The following CCDC82 variants were observed in gnomAD, a reference collection of about 807,000 sequenced individuals.
The protein encoded by CCDC82 is coiled-coil domain-containing protein 82.
A neutral mutation model predicts 60.6 loss-of-function variants in CCDC82; 47 were observed. The observed-to-expected ratio is 0.77, with a 90% CI of 0.61 to 0.99. CCDC82 has a LOEUF of 0.99. Among genes scored for constraint, CCDC82 ranks in the 50% least tolerant of loss-of-function variants. The pLI is 0.00. For missense variants in CCDC82, 588 were observed against 633.0 expected, an observed-to-expected ratio of 0.93 and a Z score of 0.76; for synonymous variants, 212 against 207.4, an observed-to-expected ratio of 1.02 and a Z score of -0.19.
rs1356575987 is a variant in CCDC82 at position 96,353,504 on chromosome 11, T to C, written c.*142A>G. 1 of 660,778 alleles carries C rather than the reference T, an allele frequency of 1.5e-6. No homozygotes were observed. The highest frequency in any genetic ancestry group is 1.8e-5 in the African/African-American group (1 of 54,618). 40.9% of individuals were successfully genotyped at this position (660,778 alleles called of 1,614,324 possible). A position where few individuals can be genotyped will look rare whatever the true frequency, so the allele number is the denominator to read the frequency against. ...AGTGTAGAGTGCCACTTCACAGGAA[T>C]TAAGATAATCATGTTTTAAACAAAA... On this transcript the variant is annotated 3_prime_UTR_variant, in exon 10 of 10. Transcript: ENST00000646818.
chr11:96,364,319 CCTT>C (rs1313253556), intron 8 of CCDC82: 1 of 151,984 alleles, frequency 6.6e-6, no homozygotes, highest in Non-Finnish European at 1.5e-5. Flanking sequence ...CCCATAAAAA[CCTT>C]CTAAGTCATT....
At chr11:96,360,352 G>A (rs7932704) in intron 8 of CCDC82, among the ~76,000 whole-genome samples, 3 of 150,120 alleles carry the variant, frequency 2.0e-5, no homozygotes, top group South Asian at 2.1e-4. Context: ...GTCACCACAC[G>A]CAGCTAATTT....
At chr11:96,382,436 A>T (rs1865924808) in intron 5 of CCDC82, 1 of 151,794 alleles carries the variant, frequency 6.6e-6, no homozygotes. Context: ...ATTGGTGGTG[A>T]TATTAATGAA....
At position 96,353,598 on chromosome 11, in the gene CCDC82, A is replaced by T; in HGVS notation, c.*48T>A. The T allele has an allele frequency of 7.7e-7, 1 of 1,293,270 alleles. No homozygotes were observed. The highest frequency in any genetic ancestry group is 1.2e-5 in the South Asian group (1 of 84,052). 80.1% of individuals were successfully genotyped at this position (1,293,270 alleles called of 1,614,324 possible). The stretch of plus-strand genomic sequence containing the variant: ...ATGATACAGAAAAACAAGAATCATG[A>T]TCTTCACATTTACAGGAATTTAAAA... On this transcript the variant is annotated 3_prime_UTR_variant, in exon 10 of 10. Transcript: ENST00000646818.
chr11:96,376,075 A>G (rs747334586), intron 5 of CCDC82, among the ~76,000 whole-genome samples: 13 of 152,216 alleles, frequency 8.5e-5, no homozygotes, highest in Non-Finnish European at 1.9e-4. Flanking sequence ...ATTAAAGAGG[A>G]AACTATATTT....
chr11:96,383,490 A>G lies in CCDC82; in HGVS notation c.787-17T>C, dbSNP rs760103080. ...TTCAGAGTCCTAATTAAATTAAAAT[A>G]AATGCTTCAGTAAATGGTGCTATTA... On this transcript the variant is annotated splice_polypyrimidine_tract_variant and intron_variant, in intron 4 of 9. Transcript: ENST00000646818. 57 of 1,520,978 alleles carry G rather than the reference A, an allele frequency of 3.7e-5. No individual in the cohort carries two copies. In the South Asian group the frequency reaches 6.5e-4, roughly 17 times the overall value. 94.2% of individuals were successfully genotyped at this position (1,520,978 alleles called of 1,614,324 possible). A position where few individuals can be genotyped will look rare whatever the true frequency, so the allele number is the denominator to read the frequency against.
intron 6 of CCDC82, among the ~76,000 whole-genome samples, chr11:96,372,078 C>T (rs1431563651): frequency 6.6e-6 from 1 of 152,076 alleles, no homozygotes; most frequent in Non-Finnish European, 1.5e-5. Flanking sequence ...CTCTCTTTTC[C>T]CTCTCTCCTG....
At chr11:96,382,369 T>C (rs540724937) in intron 5 of CCDC82, 1 of 151,910 alleles carries the variant, frequency 6.6e-6, no homozygotes, top group Admixed American at 6.6e-5. Context: ...TTGAAAAACT[T>C]GTATGTGCTA....
At chr11:96,389,527 CACCGAGAAA>C (rs1204858761) in intron 1 of CCDC82, 3 of 152,306 alleles carry the variant, frequency 2.0e-5, no homozygotes, top group Non-Finnish European at 4.4e-5. Context: ...AAGAGCTCTG[CACCGAGAAA>C]ACAATTACAA....
chr11:96,358,583 C>T, intron 9 of CCDC82: 1 of 1,235,040 alleles, frequency 8.1e-7, no homozygotes, highest in East Asian at 3.1e-5. Context: ...CAGACTGGCA[C>T]CAGGTGCTTC....
chr11:96,358,063 TTC>T lies in CCDC82; in HGVS notation c.1566+928_1566+929del, dbSNP rs766191706. On this transcript the variant is annotated intron_variant, in intron 9 of 9. Coordinates refer to ENST00000646818, the MANE Select transcript of CCDC82 (RefSeq NM_024725.4). ...TAAATATGACATGTGCTAAAAAAGT[TTC>T]TGTTTTGTTTTCTTTCCATCTGCCT... 529 of 985,406 alleles carry T rather than the reference TTC, an allele frequency of 5.4e-4. 2 individuals are homozygous for T. The African/African-American group carries it at 7.5e-3, about 14-fold the overall frequency. The allele number at this position is 985,406 out of a possible 1,614,324, so 61.0% of individuals were successfully genotyped here. A position where few individuals can be genotyped will look rare whatever the true frequency, so the allele number is the denominator to read the frequency against.
At chr11:96,382,375 T>C (rs1865919374) in intron 5 of CCDC82, 1 of 151,848 alleles carries the variant, frequency 6.6e-6, no homozygotes, top group Admixed American at 6.6e-5. Context: ...AACTTGTATG[T>C]GCTATTCTGA....
intron 3 of CCDC82, chr11:96,385,133 G>A (rs1315931166): frequency 6.2e-6 from 1 of 160,212 alleles, no homozygotes; most frequent in Non-Finnish European, 1.4e-5. Context: ...ATAACTGCAA[G>A]AGAAGTGGAA....
chr11:96,355,065 A>C (rs1004130116), intron 9 of CCDC82: 1 of 152,214 alleles, frequency 6.6e-6, no homozygotes, highest in African/African-American at 2.4e-5. Flanking sequence ...ACTACTTAGG[A>C]ATTTTCTTTG....
In CCDC82 at chr11:96,380,030, A is replaced by G. The variant is rs560966744; in HGVS notation, c.991+3239T>C. 7.9e-5 allele frequency among the ~76,000 whole-genome samples: 12 copies of G among 151,956 alleles called. No individual in the cohort carries two copies. In the South Asian group the frequency reaches 2.5e-3, roughly 31 times the overall value. On this transcript the variant is annotated intron_variant, in intron 5 of 9. Transcript: ENST00000646818. ...AAAAGTAGGGTACCACAGAAAGTAGAAGAGCATTCTGAAAGTGAGAGTGGT... is the reference window on the plus strand; with the variant it reads ...AAAAGTAGGGTACCACAGAAAGTAGGAGAGCATTCTGAAAGTGAGAGTGGT...
intron 2 of CCDC82, 160 bp downstream of exon 2, chr11:96,387,370 A>G (rs1180967991): frequency 6.6e-6 from 1 of 152,260 alleles, no homozygotes; most frequent in Admixed American, 6.5e-5. Context: ...GAATCACACT[A>G]TTAAAAACTT....
At chr11:96,362,903 A>G (rs1285888623) in intron 8 of CCDC82, among the ~76,000 whole-genome samples, 1 of 152,212 alleles carries the variant, frequency 6.6e-6, no homozygotes, top group African/African-American at 2.4e-5. Flanking sequence ...AACACAAAAT[A>G]AAGAATTAGT....
chr11:96,372,834 G>A (rs1865359219), intron 6 of CCDC82, among the ~76,000 whole-genome samples: 1 of 150,722 alleles, frequency 6.6e-6, no homozygotes, highest in East Asian at 1.9e-4. Flanking sequence ...CATGAAAAGT[G>A]CATATAAATG....
intron 7 of CCDC82, among the ~76,000 whole-genome samples, chr11:96,369,429 T>G (rs1037088260): frequency 2.6e-5 from 4 of 152,186 alleles, no homozygotes; most frequent in African/African-American, 9.7e-5. Context: ...ACTCTTCCTT[T>G]CACTTGAACG....
Sources: allele counts gnomAD v4.1 joint callset (sites outside exome capture counted in the v4.1 genomes callset), GRCh38; gene constraint gnomAD v4.1.1; transcripts MANE v1.5; gene names NCBI Gene and HGNC (gene_info 2026-07-23, HGNC 2026-07-21).